Variants in FMN2 observed in about 807,000 individuals in gnomAD.
FMN2 encodes formin 2.
FMN2 carries 51 observed loss-of-function variants against 142.3 expected under a neutral mutation model. The observed-to-expected ratio is 0.36, with a 90% CI of 0.29 to 0.45. FMN2 has a LOEUF of 0.45. Ranked by LOEUF, FMN2 falls within the 20% of genes least tolerant of loss-of-function variation. The pLI, the probability that FMN2 is intolerant of heterozygous loss-of-function variation, is 1.00. For missense variants in FMN2, 1,936 were observed against 2,122.8 expected (o/e 0.91, Z 1.73); for synonymous variants, 882 against 869.8 (o/e 1.01, Z -0.25).
At position 240,225,147 on chromosome 1, in the gene FMN2, C is replaced by T. The variant is rs200514845; in HGVS notation, c.4065+13912C>T. 3.9e-5 allele frequency among the ~76,000 whole-genome samples: 6 copies of T among 152,192 alleles called. No homozygotes were observed. The East Asian group carries it at 7.7e-4, about 20-fold the overall frequency. ...TGACACAGGGGCAATTCCTAAGAAA[C>T]GAGGCTTAAAAATAATATTGCAGTC... On this transcript the variant is annotated intron_variant, in intron 6 of 17. Transcript: ENST00000319653.
chr1:240,465,139 A>C (rs563751883), intron 16 of FMN2, among the ~76,000 whole-genome samples: 1 of 152,218 alleles, frequency 6.6e-6, no homozygotes, highest in African/African-American at 2.4e-5. Flanking sequence ...TCACCAAATC[A>C]CCTTTAATTC....
chr1:240,259,557 G>A lies in FMN2; in HGVS notation c.4153+1525G>A, dbSNP rs373616111. On this transcript the variant is annotated intron_variant, in intron 7 of 17. Coordinates refer to ENST00000319653, the MANE Select transcript of FMN2 (RefSeq NM_020066.5). The stretch of plus-strand genomic sequence containing the variant: ...CAGCAAGAGGTTGTGCCCTCCTGCA[G>A]GTAAAGTCCTATTCTGCCTTGGTGT... Among the ~76,000 whole-genome samples, 10 of 148,598 alleles carry A rather than the reference G, an allele frequency of 6.7e-5. No homozygotes were observed. In the East Asian group the frequency reaches 1.2e-3, roughly 18 times the overall value.
intron 8 of FMN2, among the ~76,000 whole-genome samples, chr1:240,302,989 G>T: frequency 6.6e-6 from 1 of 151,582 alleles, no homozygotes; most frequent in African/African-American, 2.4e-5. Flanking sequence ...AATATAGAAA[G>T]ATAATTTCTA....
At chr1:240,439,674 T>G (rs1359806788) in intron 16 of FMN2, among the ~76,000 whole-genome samples, 1 of 152,158 alleles carries the variant, frequency 6.6e-6, no homozygotes, top group Non-Finnish European at 1.5e-5. Context: ...ATATGAGAGC[T>G]TTCAGTTACA....
At chr1:240,104,589 A>G (rs1661534725) in intron 1 of FMN2, among the ~76,000 whole-genome samples, 1 of 152,192 alleles carries the variant, frequency 6.6e-6, no homozygotes, top group African/African-American at 2.4e-5. Flanking sequence ...GCATTTTTCT[A>G]AAGTATATAG....
chr1:240,134,948 C>T (rs1662879750), intron 2 of FMN2, among the ~76,000 whole-genome samples: 1 of 152,020 alleles, frequency 6.6e-6, no homozygotes, highest in Non-Finnish European at 1.5e-5. Context: ...GGAAATCTGT[C>T]ATGCCCACTT....
In FMN2 at chr1:240,093,575, T is replaced by C; in HGVS notation, c.1466T>C (p.Leu489Pro). The C allele has an allele frequency of 2.7e-6, 4 of 1,458,916 alleles. 1 individual carries two copies. The South Asian group carries it at 5.9e-5, about 21-fold the overall frequency. 90.4% of individuals were successfully genotyped at this position (1,458,916 alleles called of 1,614,324 possible). The change falls in exon 1 of 18, where the codon CTA becomes CCA. Residue 489 changes from leucine to proline, a missense_variant. This residue lies in a region of FMN2 where 751 missense variants were observed against 791.8 expected (regional missense o/e 0.95). Coordinates refer to ENST00000319653, the MANE Select transcript of FMN2 (RefSeq NM_020066.5). Reference protein sequence around the residue: ...LSRSADWTEELGARTPRVGGS... With the variant: ...LSRSADWTEEPGARTPRVGGS... ...CGCTCGGCTGACTGGACGGAGGAGC[T>C]AGGCGCCCGCACGCCCCGGGTGGGA...
At chr1:240,225,698 A>C (rs34234433) in intron 6 of FMN2, among the ~76,000 whole-genome samples, 46,562 of 152,010 alleles carry the variant, frequency 0.31, 7,813 homozygotes, top group African/African-American at 0.45. Context: ...CAGGAAAACA[A>C]ACAGGCAACA....
chr1:240,157,993 A>AT (rs1003671722), intron 2 of FMN2, among the ~76,000 whole-genome samples: 1 of 151,258 alleles, frequency 6.6e-6, no homozygotes, highest in South Asian at 2.1e-4. Flanking sequence ...AAAAAAAAAA[A>AT]AGTCAGCCAG....
intron 15 of FMN2, among the ~76,000 whole-genome samples, chr1:240,397,299 T>A (rs1200526767): frequency 6.6e-6 from 1 of 152,176 alleles, no homozygotes; most frequent in Non-Finnish European, 1.5e-5. Flanking sequence ...TTTAATTGGA[T>A]TGTTTTTGCT....
chr1:240,104,870 C>T (rs1661545298), intron 1 of FMN2, among the ~76,000 whole-genome samples: 3 of 152,052 alleles, frequency 2.0e-5, no homozygotes, highest in South Asian at 4.1e-4. Flanking sequence ...TGTCTCTGGG[C>T]ACATTCCCTA....
intron 1 of FMN2, among the ~76,000 whole-genome samples, chr1:240,105,893 A>C (rs902909702): frequency 1.3e-5 from 2 of 152,204 alleles, no homozygotes; most frequent in African/African-American, 4.8e-5. Flanking sequence ...TAATCATAGA[A>C]CAGTATACAT....
At chr1:240,288,668 G>T (rs1012951700) in intron 7 of FMN2, among the ~76,000 whole-genome samples, 2 of 152,024 alleles carry the variant, frequency 1.3e-5, no homozygotes, top group African/African-American at 4.8e-5. Context: ...CAGAACAGGG[G>T]TGATGGGATG....
chr1:240,447,300 C>T (rs1004535019), intron 16 of FMN2, among the ~76,000 whole-genome samples: 3 of 151,888 alleles, frequency 2.0e-5, no homozygotes, highest in Non-Finnish European at 2.9e-5. Context: ...AATGGACATC[C>T]GTATTGAGGT....
rs926492166 is a variant in FMN2, at chr1:240,102,886, A to G, written c.1615+9162A>G. Among the ~76,000 whole-genome samples the G allele has an allele frequency of 5.5e-5, 8 of 146,536 alleles. No individual in the cohort carries two copies. In the Admixed American group the frequency reaches 5.5e-4, roughly 10 times the overall value. ...TTAATTTTTTTTTTTTTTTTTTGAG[A>G]CAGGGTCTCACTCTGTCACCCAGGC... is the stretch of plus-strand genomic sequence containing the variant. On this transcript the variant is annotated intron_variant, in intron 1 of 17. Coordinates refer to ENST00000319653, the MANE Select transcript of FMN2 (RefSeq NM_020066.5).
chr1:240,466,333 G>A (rs1054569420), intron 16 of FMN2, among the ~76,000 whole-genome samples: 1 of 151,986 alleles, frequency 6.6e-6, no homozygotes, highest in Non-Finnish European at 1.5e-5. Flanking sequence ...TAGAATGTTT[G>A]CTTGTAAGGA....
At chr1:240,261,971 G>A (rs1668649154) in intron 7 of FMN2, among the ~76,000 whole-genome samples, 1 of 152,114 alleles carries the variant, frequency 6.6e-6, no homozygotes, top group African/African-American at 2.4e-5. Context: ...TGGGGGCCCT[G>A]TGGATTTAGG....
At chr1:240,353,283 G>A (rs920379600) in intron 13 of FMN2, among the ~76,000 whole-genome samples, 3 of 152,146 alleles carry the variant, frequency 2.0e-5, no homozygotes, top group African/African-American at 7.2e-5. Context: ...ACTCATAGTG[G>A]CTGATCATCA....
intron 14 of FMN2, among the ~76,000 whole-genome samples, chr1:240,362,406 AT>A (rs1240233580): frequency 6.6e-6 from 1 of 152,068 alleles, no homozygotes. Flanking sequence ...TAAATTTTCT[AT>A]TTTTTTAATA....
Sources: allele counts gnomAD v4.1 joint callset (sites outside exome capture counted in the v4.1 genomes callset), GRCh38; gene constraint gnomAD v4.1.1; regional missense constraint gnomAD v4.1.1; transcripts MANE v1.5; gene names NCBI Gene and HGNC (gene_info 2026-07-23, HGNC 2026-07-21).